TRHDE: variants seen among roughly 807,000 people sequenced by gnomAD.
TRHDE encodes the protein thyrotropin releasing hormone degrading enzyme, also known as thyrotropin-releasing hormone-degrading ectoenzyme.
In TRHDE, 72 loss-of-function variants were observed where a neutral mutation model predicts 125.7. The ratio of observed to expected loss-of-function variants is 0.57; its 90% CI spans 0.47 to 0.70. The LOEUF (loss-of-function observed/expected upper bound fraction) is 0.70. Among genes scored for constraint, TRHDE ranks in the 30% least tolerant of loss-of-function variants. TRHDE has a pLI of 0.00. For missense variants in TRHDE, 1,110 were observed against 1,327.1 expected, an observed-to-expected ratio of 0.84 and a Z score of 2.54; for synonymous variants, 509 against 509.1, an observed-to-expected ratio of 1.00 and a Z score of 0.00.
At chr12:72,100,165 C>G (rs1273305777) in intron 1 of TRHDE, among the ~76,000 whole-genome samples, 1 of 152,122 alleles carries the variant, frequency 6.6e-6, no homozygotes, top group Non-Finnish European at 1.5e-5. Context: ...CCTTGGCAGA[C>G]TGCTGAATCT....
At chr12:72,449,486 A>G (rs1244680491) in intron 3 of TRHDE, among the ~76,000 whole-genome samples, 1 of 150,698 alleles carries the variant, frequency 6.6e-6, no homozygotes, top group African/African-American at 2.5e-5. Context: ...TTTCCTTCAA[A>G]AAGCTTTTTA....
At chr12:72,203,972 A>C (rs1227657661) in intron 2 of TRHDE, among the ~76,000 whole-genome samples, 1 of 152,166 alleles carries the variant, frequency 6.6e-6, no homozygotes, top group African/African-American at 2.4e-5. Context: ...TGGTTTGAGG[A>C]TCTCCATATT....
intron 2 of TRHDE, among the ~76,000 whole-genome samples, chr12:72,218,881 A>G (rs1181644194): frequency 1.3e-5 from 2 of 152,160 alleles, no homozygotes; most frequent in African/African-American, 4.8e-5. Flanking sequence ...GCTTTCTCCA[A>G]ATAAGTTACT....
At chr12:72,613,718 A>G (rs1175286008) in intron 12 of TRHDE, among the ~76,000 whole-genome samples, 1 of 152,268 alleles carries the variant, frequency 6.6e-6, no homozygotes, top group African/African-American at 2.4e-5. Flanking sequence ...AACCCAGAAA[A>G]TAGGTGCCTA....
At chr12:72,340,837 A>G (rs946033267) in intron 2 of TRHDE, among the ~76,000 whole-genome samples, 3 of 152,178 alleles carry the variant, frequency 2.0e-5, no homozygotes, top group Admixed American at 2.0e-4. Context: ...GCTTTATTAT[A>G]AAGGACTACA....
chr12:72,378,205 A>C, intron 3 of TRHDE, 84 bp downstream of exon 3: 1 of 1,278,498 alleles, frequency 7.8e-7, no homozygotes, highest in Admixed American at 2.7e-5. Flanking sequence ...GCCATCCAGA[A>C]GCATGAAAAT....
intron 3 of TRHDE, among the ~76,000 whole-genome samples, chr12:72,411,623 T>G (rs1873513196): frequency 6.6e-6 from 1 of 152,156 alleles, no homozygotes; most frequent in Non-Finnish European, 1.5e-5. Flanking sequence ...CAGGCTCTTT[T>G]GTTCAATTCA....
At chr12:72,392,470 GAAAA>G in intron 3 of TRHDE, among the ~76,000 whole-genome samples, 1 of 152,024 alleles carries the variant, frequency 6.6e-6, no homozygotes, top group Non-Finnish European at 1.5e-5. Flanking sequence ...ATATGTGATA[GAAAA>G]AAATTTTCAT....
intron 2 of TRHDE, among the ~76,000 whole-genome samples, chr12:72,114,632 A>T (rs1875399773): frequency 1.3e-5 from 2 of 152,152 alleles, no homozygotes; most frequent in Admixed American, 6.6e-5. Flanking sequence ...AAGTGGAAGA[A>T]AATCCATGTA....
intron 2 of TRHDE, among the ~76,000 whole-genome samples, chr12:72,214,311 A>G (rs1877842572): frequency 6.6e-6 from 1 of 152,184 alleles, no homozygotes; most frequent in Admixed American, 6.5e-5. Flanking sequence ...TTGACTAGAA[A>G]TTAATAACTG....
At chr12:72,117,559 G>T (rs892199593) in intron 2 of TRHDE, among the ~76,000 whole-genome samples, 1 of 151,992 alleles carries the variant, frequency 6.6e-6, no homozygotes, top group African/African-American at 2.4e-5. Context: ...GGTCTATTCT[G>T]GGTCTTTTGT....
intron 2 of TRHDE, among the ~76,000 whole-genome samples, chr12:72,189,866 G>A (rs1223588845): frequency 6.6e-6 from 1 of 152,158 alleles, no homozygotes; most frequent in Admixed American, 6.5e-5. Context: ...AGTCCTATGA[G>A]CCTGCAGATC....
chr12:72,150,497 A>G (rs1026636171), intron 2 of TRHDE, among the ~76,000 whole-genome samples: 3 of 149,348 alleles, frequency 2.0e-5, no homozygotes, highest in Non-Finnish European at 4.4e-5. Flanking sequence ...TGCTGCACCC[A>G]TTAACTCGTC....
intron 2 of TRHDE, chr12:72,303,193 G>A (rs1410158532): frequency 6.6e-6 from 1 of 152,114 alleles, no homozygotes; most frequent in Non-Finnish European, 1.5e-5. Context: ...GCAATGAGAA[G>A]AAACCTAGTA....
At chr12:72,122,394 C>T (rs1321026696) in intron 2 of TRHDE, among the ~76,000 whole-genome samples, 1 of 152,104 alleles carries the variant, frequency 6.6e-6, no homozygotes, top group South Asian at 2.1e-4. Context: ...TTTTTCTCCA[C>T]ATAAGAATTT....
chr12:72,210,613 A>C (rs1877761127), intron 2 of TRHDE, among the ~76,000 whole-genome samples: 1 of 152,200 alleles, frequency 6.6e-6, no homozygotes, highest in Admixed American at 6.5e-5. Flanking sequence ...ATTAATGAGA[A>C]CCAGTAAGAT....
chr12:72,178,443 C>T (rs546170026), intron 2 of TRHDE, among the ~76,000 whole-genome samples: 61 of 151,952 alleles, frequency 4.0e-4, no homozygotes, highest in Admixed American at 9.8e-4. Context: ...AAAAATCTTG[C>T]GCAATAGACC....
At chr12:72,135,762 T>C (rs1257733543) in intron 2 of TRHDE, among the ~76,000 whole-genome samples, 2 of 152,194 alleles carry the variant, frequency 1.3e-5, no homozygotes, top group Admixed American at 6.5e-5. Context: ...TTGAGGATTT[T>C]TCTCCCTTTA....
intron 3 of TRHDE, among the ~76,000 whole-genome samples, chr12:72,380,146 G>T (rs529723239): frequency 1.3e-5 from 2 of 152,176 alleles, no homozygotes; most frequent in South Asian, 4.1e-4. Flanking sequence ...TATCTAAGAT[G>T]GTTTTCCAGA....
Sources: allele counts gnomAD v4.1 joint callset (sites outside exome capture counted in the v4.1 genomes callset), GRCh38; gene constraint gnomAD v4.1.1; transcripts MANE v1.5; gene names NCBI Gene and HGNC (gene_info 2026-07-23, HGNC 2026-07-21).